The following NDUFAF5 variants were observed in gnomAD, a reference collection of about 807,000 sequenced individuals.
The protein encoded by NDUFAF5 is arginine-hydroxylase NDUFAF5, mitochondrial.
Under a neutral mutation model 48.9 loss-of-function variants are expected in NDUFAF5, and 34 were observed. The observed-to-expected ratio is 0.70, with a 90% confidence interval of 0.53 to 0.93. The LOEUF is 0.93. Among genes scored for constraint, NDUFAF5 ranks in the 40% least tolerant of loss-of-function variants. The probability of loss-of-function intolerance (pLI) is 0.00; values close to 1 mark genes in which losing one functional copy is unlikely to be tolerated. For missense variants in NDUFAF5, 428 were observed against 427.5 expected, an observed-to-expected ratio of 1.00 and a Z score of -0.01; for synonymous variants, 153 against 150.6, an observed-to-expected ratio of 1.02 and a Z score of -0.12.
At chr20:13,798,895 C>T (rs1005201908) in intron 6 of NDUFAF5, among the ~76,000 whole-genome samples, 7 of 152,084 alleles carry the variant, frequency 4.6e-5, no homozygotes, top group African/African-American at 1.4e-4. Flanking sequence ...AAGTTTTTAT[C>T]GATTGACACG....
chr20:13,815,099 CAT>C (rs1986309279), intron 8 of NDUFAF5, among the ~76,000 whole-genome samples: 1 of 152,190 alleles, frequency 6.6e-6, no homozygotes, highest in South Asian at 2.1e-4. Flanking sequence ...TAGTGCATCA[CAT>C]GTTTATGTCT....
intron 7 of NDUFAF5, among the ~76,000 whole-genome samples, chr20:13,803,789 A>AT (rs540151502): frequency 9.3e-5 from 14 of 150,144 alleles, no homozygotes; most frequent in Non-Finnish European, 7.4e-5. Flanking sequence ...TTTTCTTTTA[A>AT]TTTTTTTTTT....
chr20:13,796,651 G>A (rs74794170), intron 5 of NDUFAF5, among the ~76,000 whole-genome samples: 26 of 152,114 alleles, frequency 1.7e-4, no homozygotes, highest in African/African-American at 4.8e-4. Context: ...TCGCTGTCAC[G>A]CATGACTACA....
In NDUFAF5 at chr20:13,819,353, T is replaced by C. The variant is rs1313593560; in HGVS notation, c.*2143T>C. On this transcript the variant is annotated 3_prime_UTR_variant, in exon 11 of 11. Coordinates refer to ENST00000378106, the MANE Select transcript of NDUFAF5 (RefSeq NM_024120.5). ...GATAAATAATCATCTTTTTTGTTGG[T>C]TTATTTTTTTATTTTTTATTTTATT... The C allele has an allele frequency of 1.3e-5, 2 of 152,120 alleles. No individual in the cohort carries two copies. The highest frequency in any genetic ancestry group is 2.9e-5 in the Non-Finnish European group (2 of 68,022). 9.4% of individuals were successfully genotyped at this position (152,120 alleles called of 1,614,324 possible).
At chr20:13,800,751 G>A (rs536136729) in intron 6 of NDUFAF5, among the ~76,000 whole-genome samples, 4 of 152,320 alleles carry the variant, frequency 2.6e-5, no homozygotes, top group African/African-American at 9.6e-5. Context: ...TTGTGGGTTG[G>A]CAGTTGGGGC....
intron 7 of NDUFAF5, among the ~76,000 whole-genome samples, chr20:13,804,428 T>C (rs1251392068): frequency 2.0e-5 from 3 of 152,052 alleles, no homozygotes; most frequent in Non-Finnish European, 4.4e-5. Flanking sequence ...TCCAGACTTT[T>C]TTTTTTTTAA....
intron 8 of NDUFAF5, among the ~76,000 whole-genome samples, chr20:13,809,880 G>A (rs1250095892): frequency 1.3e-5 from 2 of 152,182 alleles, no homozygotes; most frequent in Non-Finnish European, 2.9e-5. Context: ...AGATGAAGGA[G>A]AAAGACATTT....
intron 8 of NDUFAF5, among the ~76,000 whole-genome samples, chr20:13,810,385 C>T (rs1985697689): frequency 6.6e-6 from 1 of 152,172 alleles, no homozygotes; most frequent in African/African-American, 2.4e-5. Flanking sequence ...AAAAGGAAGT[C>T]CGCTAGATTT....
Position 13,818,512 on chromosome 20 carries a change from T to G in NDUFAF5, c.*1302T>G, listed in dbSNP as rs1349328554. 1.8e-5 allele frequency: 6 copies of G among 335,272 alleles called. No individual in the cohort carries two copies. Among genetic ancestry groups the G allele is most frequent in the Non-Finnish European group, 3.4e-5 (6 of 174,716 alleles). The allele number at this position is 335,272 out of a possible 1,614,324, so 20.8% of individuals were successfully genotyped here. Reference sequence around the variant, plus strand: ...AACAACAACAAAAAACAAACTGCGCTAGCCAGGTGCAATGGCGCATGCCTG... The same window carrying G: ...AACAACAACAAAAAACAAACTGCGCGAGCCAGGTGCAATGGCGCATGCCTG... On this transcript the variant is annotated 3_prime_UTR_variant, in exon 11 of 11. Transcript: ENST00000378106.
chr20:13,803,455 G>A (rs1568768948), intron 7 of NDUFAF5: 2 of 152,316 alleles, frequency 1.3e-5, no homozygotes, highest in East Asian at 3.9e-4. Flanking sequence ...ATTTGTAATT[G>A]TATAAGTAAC....
intron 5 of NDUFAF5, 33 bp downstream of exon 5, chr20:13,794,974 A>G (rs1221368221): frequency 4.3e-6 from 6 of 1,398,484 alleles, no homozygotes; most frequent in Non-Finnish European, 6.1e-6. Context: ...ACCATATGTT[A>G]TAAACAGATC....
chr20:13,785,081 G>T lies in NDUFAF5; in HGVS notation c.13G>T (p.Ala5Ser), dbSNP rs745331100. The change falls in exon 1 of 11, where the codon GCA (alanine) becomes TCA (serine). Residue 5 changes from alanine (A) to serine (S), a missense_variant. Transcript: ENST00000378106. MLRP[A>S]GLWRLCRRPW... The stretch of plus-strand genomic sequence containing the variant: ...GTCGCAGCTGGAGATGCTGCGGCCG[G>T]CAGGGCTCTGGCGCTTATGTCGGCG... 64 of 1,611,840 alleles carry T rather than the reference G, an allele frequency of 4.0e-5. No individual in the cohort carries two copies. The highest frequency in any genetic ancestry group is 5.1e-5 in the Non-Finnish European group (60 of 1,179,744).
Position 13,817,432 on chromosome 20 carries a change from T to C in NDUFAF5, c.*222T>C. ...GCTGAGTGTCTTTGCAGATTCAGCC[T>C]AAAAGCAAAGAAAATATTTCCCTAA... On this transcript the variant is annotated 3_prime_UTR_variant, in exon 11 of 11. Coordinates refer to ENST00000378106, the MANE Select transcript of NDUFAF5 (RefSeq NM_024120.5). 1.5e-6 allele frequency: 1 copy of C among 659,328 alleles called. No individual in the cohort carries two copies. Among genetic ancestry groups the C allele is most frequent in the South Asian group, 1.5e-5 (1 of 66,500 alleles). 40.8% of individuals were successfully genotyped at this position (659,328 alleles called of 1,614,324 possible). A position where few individuals can be genotyped will look rare whatever the true frequency, so the allele number is the denominator to read the frequency against.
chr20:13,793,200 C>G lies in NDUFAF5; in HGVS notation c.348C>G (p.Phe116Leu), dbSNP rs766188304. 1.9e-6 allele frequency: 3 copies of G among 1,613,902 alleles called. No individual in the cohort carries two copies. The highest frequency in any genetic ancestry group is 2.2e-5 in the East Asian group (1 of 44,838). Residue 116 changes from phenylalanine (F) to leucine (L), a missense_variant, in exon 4 of 11, where the codon TTC becomes TTG. Transcript: ENST00000378106. Reference sequence around the variant, plus strand: ...TGCAGGAAACTATTGGAAAGTTTTTCCAAGCTGACATTGCAGAAAATGCTT... The same window carrying G: ...TGCAGGAAACTATTGGAAAGTTTTTGCAAGCTGACATTGCAGAAAATGCTT... ...YLNKETIGKF[F>L]QADIAENALK...
intron 8 of NDUFAF5, among the ~76,000 whole-genome samples, chr20:13,811,291 G>A (rs16994151): frequency 0.072 from 11,029 of 152,194 alleles, 434 homozygotes; most frequent in Non-Finnish European, 0.087. Flanking sequence ...GGAGGGTATG[G>A]TCAGAAAATG....
intron 8 of NDUFAF5, among the ~76,000 whole-genome samples, chr20:13,810,751 T>C (rs1985743620): frequency 6.6e-6 from 1 of 151,896 alleles, no homozygotes. Context: ...AAGGGTGCAA[T>C]ACAAAGGCCA....
At chr20:13,802,486 T>C (rs1984320448) in intron 7 of NDUFAF5, among the ~76,000 whole-genome samples, 1 of 152,018 alleles carries the variant, frequency 6.6e-6, no homozygotes, top group Non-Finnish European at 1.5e-5. Flanking sequence ...TTGGCCAACG[T>C]AGTGAAACCC....
Position 13,817,416 on chromosome 20 carries a change from CTT to C in NDUFAF5, c.*208_*209del, listed in dbSNP as rs1339498079. On this transcript the variant is annotated 3_prime_UTR_variant, in exon 11 of 11. Transcript: ENST00000378106. ...TTCTCATAAGGATACTGCTGAGTGT[CTT>C]TGCAGATTCAGCCTAAAAGCAAAGA... The C allele has an allele frequency of 3.8e-5, 26 of 679,140 alleles. No homozygotes were observed. The highest frequency in any genetic ancestry group is 5.4e-5 in the Non-Finnish European group (20 of 371,864). The allele number at this position is 679,140 out of a possible 1,614,324, so 42.1% of individuals were successfully genotyped here.
At chr20:13,797,502 G>C (rs1983428506) in intron 5 of NDUFAF5, among the ~76,000 whole-genome samples, 1 of 152,198 alleles carries the variant, frequency 6.6e-6, no homozygotes, top group South Asian at 2.1e-4. Context: ...GCTACATAGT[G>C]TGTAATTCCA....
Sources: allele counts gnomAD v4.1 joint callset (sites outside exome capture counted in the v4.1 genomes callset), GRCh38; gene constraint gnomAD v4.1.1; transcripts MANE v1.5; gene names NCBI Gene and HGNC (gene_info 2026-07-23, HGNC 2026-07-21).